Variants in MAGEA10 observed in about 807,000 individuals in gnomAD.
The protein encoded by MAGEA10 is MAGE family member A10.
A neutral mutation model predicts 8.6 loss-of-function variants in MAGEA10; 7 were observed. The ratio of observed to expected loss-of-function variants is 0.82; its 90% CI spans 0.46 to 1.53. MAGEA10 has a LOEUF of 1.53. MAGEA10 is among the 40% of genes most tolerant of loss of function. MAGEA10 has a pLI of 0.01. For synonymous variants in MAGEA10, 125 were observed against 107.4 expected (o/e 1.16, Z -1.02); for missense variants, 293 against 274.0 (o/e 1.07, Z -0.49).
intron 1 of MAGEA10, among the ~76,000 whole-genome samples, chrX:152,137,454 G>GGGGA (rs1936703858): frequency 1.7e-5 from 1 of 57,529 alleles, no homozygotes; most frequent in Non-Finnish European, 3.3e-5. Context: ...AGGGGAGGGG[G>GGGGA]ACAAGACGGG....
chrX:152,134,366 C>T lies in MAGEA10; in HGVS notation c.*145G>A. 4.2e-6 allele frequency: 2 copies of T among 471,810 alleles called. No individual in the cohort carries two copies. The highest frequency in any genetic ancestry group is 3.5e-6 in the Non-Finnish European group (1 of 283,086). The allele number at this position is 471,810 out of a possible 1,213,427, so 38.9% of individuals were successfully genotyped here. Reference sequence around the variant, plus strand: ...AATAGAACACTAGAACTTATTCCTCCTATTTAATTGTAATGTAACTACTGC... The same window carrying T: ...AATAGAACACTAGAACTTATTCCTCTTATTTAATTGTAATGTAACTACTGC... On this transcript the variant is annotated 3_prime_UTR_variant, in exon 4 of 4. Transcript: ENST00000370323.
chrX:152,137,543 G>A (rs1936706333), intron 1 of MAGEA10, among the ~76,000 whole-genome samples: 2 of 108,259 alleles, frequency 1.8e-5, no homozygotes, highest in South Asian at 8.3e-4. Context: ...CTGCTGAATC[G>A]TGTATGGGTC....
Position 152,136,886 on chromosome X carries a change from A to G in MAGEA10, c.-155T>C, listed in dbSNP as rs1936686449. On this transcript the variant is annotated 5_prime_UTR_variant, in exon 2 of 4. Transcript: ENST00000370323. ...GGTTCCTTACCTGGACTCTTGTCAG[A>G]TCCTGCGACCCACTGTGTCTGTAGA... 9.0e-6 allele frequency: 1 copy of G among 111,374 alleles called. No homozygotes were observed. The highest frequency in any genetic ancestry group is 9.4e-5 in the Admixed American group (1 of 10,603). The allele number at this position is 111,374 out of a possible 1,213,427, so 9.2% of individuals were successfully genotyped here. A position where few individuals can be genotyped will look rare whatever the true frequency, so the allele number is the denominator to read the frequency against.
rs1259156651 is a variant in MAGEA10, at chrX:152,135,521, C to T, written c.100G>A (p.Val34Met). 1.7e-6 allele frequency: 2 copies of T among 1,181,585 alleles called. No homozygotes were observed. The highest frequency in any genetic ancestry group is 3.0e-5 in the East Asian group (1 of 33,530). ...GTGGATGATGAAGCATCCTCCTCCA[C>T]AGCCAGGGGAGCCTGTGCACCCTCG... ...GLEGAQAPLAVEEDASSSTST... is the reference protein window; with the variant it reads ...GLEGAQAPLAMEEDASSSTST... The change falls in exon 4 of 4, where the codon GTG (valine) becomes ATG (methionine). Residue 34 changes from valine to methionine, a missense_variant. By Grantham distance (21) the Val-to-Met change is conservative (BLOSUM62 1). Coordinates refer to ENST00000370323, the MANE Select transcript of MAGEA10 (RefSeq NM_021048.5).
At chrX:152,136,546 C>A (rs1180691549) in intron 2 of MAGEA10, among the ~76,000 whole-genome samples, 1 of 110,905 alleles carries the variant, frequency 9.0e-6, no homozygotes, top group Non-Finnish European at 1.9e-5. Flanking sequence ...AGTCCATCTA[C>A]CCCCAGTTCC....
Position 152,134,853 on chromosome X carries a change from A to G in MAGEA10, c.768T>C (p.Tyr256=), listed in dbSNP as rs767018212. ...IWEALNMMGL[Y]DGMEHLIYGE... ...CATAAATGAGGTGCTCCATCCCATCATACAGCCCCATCATATTCAGTGCTT... is the reference window on the plus strand; with the variant it reads ...CATAAATGAGGTGCTCCATCCCATCGTACAGCCCCATCATATTCAGTGCTT... Residue 256 remains tyrosine, a synonymous_variant, in exon 4 of 4, where the codon TAT becomes TAC. Coordinates refer to ENST00000370323, the MANE Select transcript of MAGEA10 (RefSeq NM_021048.5). The G allele has an allele frequency of 1.7e-6, 2 of 1,211,351 alleles. No homozygotes were observed. The highest frequency in any genetic ancestry group is 1.1e-6 in the Non-Finnish European group (1 of 895,370).
intron 1 of MAGEA10, among the ~76,000 whole-genome samples, chrX:152,138,231 G>T (rs921403488): frequency 9.1e-6 from 1 of 109,413 alleles, no homozygotes; most frequent in East Asian, 3.0e-4. Flanking sequence ...CATTGATGCT[G>T]GCAGAACCTA....
Position 152,134,997 on chromosome X carries a change from G to A in MAGEA10, c.624C>T (p.Gly208=), listed in dbSNP as rs1936635951. The change falls in exon 4 of 4, where the codon GGC becomes GGT. Residue 208 remains glycine (G), a synonymous_variant. Coordinates refer to ENST00000370323, the MANE Select transcript of MAGEA10 (RefSeq NM_021048.5). ...GHSFVLVTSL[G]LTYDGMLSDV... ...CACTCAGCATCCCATCATAGGTGAG[G>A]CCCAGGGAGGTGACAAGGACAAAGG... The A allele has an allele frequency of 8.3e-7, 1 of 1,209,677 alleles. No homozygotes were observed. The highest frequency in any genetic ancestry group is 2.2e-5 in the Admixed American group (1 of 45,786).
At position 152,134,112 on chromosome X, in the gene MAGEA10, T is replaced by TA. The variant is rs1021793135; in HGVS notation, c.*398dup. ...TCCATTCTCATTTGTTTTCATAAAT[T>TA]AAAAAAAAACAAAAACATAAACAAA... is the stretch of plus-strand genomic sequence containing the variant. On this transcript the variant is annotated 3_prime_UTR_variant, in exon 4 of 4. Coordinates refer to ENST00000370323, the MANE Select transcript of MAGEA10 (RefSeq NM_021048.5). 5.4e-4 allele frequency: 68 copies of TA among 124,827 alleles called. No individual in the cohort carries two copies. The highest frequency in any genetic ancestry group is 1.6e-3 in the East Asian group (7 of 4,273). 10.3% of individuals were successfully genotyped at this position (124,827 alleles called of 1,213,427 possible).
In MAGEA10 at chrX:152,135,309, T is replaced by C; in HGVS notation, c.312A>G (p.Gln104=). 2 of 1,210,925 alleles carry C rather than the reference T, an allele frequency of 1.7e-6. No homozygotes were observed. The highest frequency in any genetic ancestry group is 3.5e-5 in the South Asian group (2 of 56,885). ...PSVVASLPLD[Q]SDEGSSSQKE... is the part of the protein sequence containing the mutation. ...TTTGGCTGCTGGAGCCCTCATCAGA[T>C]TGATCTAATGGAAGGGAAGCAACGA... Residue 104 remains glutamine, a synonymous_variant, in exon 4 of 4, where the codon CAA becomes CAG. Coordinates refer to ENST00000370323, the MANE Select transcript of MAGEA10 (RefSeq NM_021048.5).
In MAGEA10 at chrX:152,135,120, A is replaced by AT; in HGVS notation, c.500dup (p.Asn167LysfsTer3). Reference sequence around the variant, plus strand: ...ACAACAAAGGGAAGTGGTCTTCATAATTTCTTATGACACTCTCCAGTATTT... The same window carrying AT: ...ACAACAAAGGGAAGTGGTCTTCATAATTTTCTTATGACACTCTCCAGTATTT... On this transcript the variant is annotated frameshift_variant, in exon 4 of 4. Coordinates refer to ENST00000370323, the MANE Select transcript of MAGEA10 (RefSeq NM_021048.5). LOFTEE classifies it high-confidence loss of function. 4.1e-6 allele frequency: 5 copies of AT among 1,211,247 alleles called. No individual in the cohort carries two copies. Among genetic ancestry groups the AT allele is most frequent in the Non-Finnish European group, 5.6e-6 (5 of 895,237 alleles).
At position 152,135,350 on chromosome X, in the gene MAGEA10, A is replaced by C; in HGVS notation, c.271T>G (p.Cys91Gly). 1 of 1,209,606 alleles carries C rather than the reference A, an allele frequency of 8.3e-7. No individual in the cohort carries two copies. The highest frequency in any genetic ancestry group is 1.1e-6 in the Non-Finnish European group (1 of 894,622). ...GAAGCAACGACCGAGGGGGAGGAGC[A>C]GGCTATCTGAGCACTCTGGGGAGGA... is the stretch of plus-strand genomic sequence containing the variant. The part of the protein sequence containing the change: ...PNPPQSAQIA[C>G]SSPSVVASLP... Residue 91 changes from cysteine (C) to glycine (G), a missense_variant, in exon 4 of 4, where the codon TGC becomes GGC. Cys to Gly is a radical substitution (Grantham distance 159). Coordinates refer to ENST00000370323, the MANE Select transcript of MAGEA10 (RefSeq NM_021048.5).
intron 2 of MAGEA10, 102 bp downstream of exon 2, chrX:152,136,769 C>T (rs1936683644): frequency 1.8e-5 from 2 of 111,737 alleles, no homozygotes; most frequent in South Asian, 3.8e-4. Flanking sequence ...ACAGCCCTGA[C>T]TGGGTTCTCC....
At position 152,135,438 on chromosome X, in the gene MAGEA10, GGAGGAGGAGGAA is replaced by G; in HGVS notation, c.171_182del (p.Ser59_Ser62del). 2 of 1,193,797 alleles carry G rather than the reference GGAGGAGGAGGAA, an allele frequency of 1.7e-6. No individual in the cohort carries two copies. Among genetic ancestry groups the G allele is most frequent in the Non-Finnish European group, 2.3e-6 (2 of 886,873 alleles). ...TGCTTGGTATTAGAGGATAGCAGGA[GGAGGAGGAGGAA>G]GAGGAGGAGGAGGGAAAAGAGGATG... On this transcript the variant is annotated inframe_deletion, in exon 4 of 4. Coordinates refer to ENST00000370323, the MANE Select transcript of MAGEA10 (RefSeq NM_021048.5).
At position 152,135,369 on chromosome X, in the gene MAGEA10, G is replaced by A. The variant is rs777222995; in HGVS notation, c.252C>T (p.Pro84=). 6 of 1,205,826 alleles carry A rather than the reference G, an allele frequency of 5.0e-6. No individual in the cohort carries two copies. In the Admixed American group the frequency reaches 1.3e-4, roughly 26 times the overall value. ...AGGAGCAGGCTATCTGAGCACTCTG[G>A]GGAGGATTTGGTGTCTCATCATCAG... is the stretch of plus-strand genomic sequence containing the variant. ...VSADDETPNP[P]QSAQIACSSP... The change falls in exon 4 of 4, where the codon CCC becomes CCT. Residue 84 remains proline (P), a synonymous_variant. Coordinates refer to ENST00000370323, the MANE Select transcript of MAGEA10 (RefSeq NM_021048.5).
chrX:152,136,477 G>C (rs1366995507), intron 2 of MAGEA10, among the ~76,000 whole-genome samples: 1 of 110,562 alleles, frequency 9.0e-6, no homozygotes, highest in Non-Finnish European at 1.9e-5. Flanking sequence ...GTTGATCTGA[G>C]GCCACTTCCT....
At chrX:152,137,679 C>T (rs1016352078) in intron 1 of MAGEA10, among the ~76,000 whole-genome samples, 1 of 109,269 alleles carries the variant, frequency 9.2e-6, no homozygotes, top group African/African-American at 3.3e-5. Flanking sequence ...TTCTGAGATG[C>T]GGGGATCTGC....
Position 152,134,616 on chromosome X carries a change from T to G in MAGEA10, c.1005A>C (p.Lys335Asn). The change falls in exon 4 of 4, where the codon AAA (lysine) becomes AAC (asparagine). Residue 335 changes from lysine (K) to asparagine (N), a missense_variant. Lys to Asn is a moderately conservative substitution (Grantham distance 94, BLOSUM62 0). Transcript: ENST00000370323. ...TGTCCTGGGCTCTCTCTTCCTCATC[T>G]TTCAAAGCCTCCTCATACCACAGTG... is the stretch of plus-strand genomic sequence containing the variant. Reference protein sequence around the residue: ...SFPLWYEEALKDEEERAQDRI... With the variant: ...SFPLWYEEALNDEEERAQDRI... 2 of 1,210,425 alleles carry G rather than the reference T, an allele frequency of 1.7e-6. No homozygotes were observed. Among genetic ancestry groups the G allele is most frequent in the Non-Finnish European group, 1.1e-6 (1 of 894,643 alleles).
At position 152,134,418 on chromosome X, in the gene MAGEA10, CTTTTTTT is replaced by C; in HGVS notation, c.*86_*92del. The C allele has an allele frequency of 1.6e-6, 1 of 606,978 alleles. No homozygotes were observed. Among genetic ancestry groups the C allele is most frequent in the East Asian group, 3.5e-5 (1 of 28,355 alleles). 50.0% of individuals were successfully genotyped at this position (606,978 alleles called of 1,213,427 possible). A position where few individuals can be genotyped will look rare whatever the true frequency, so the allele number is the denominator to read the frequency against. ...CTACTCTCTACTTCCATGATACCAA[CTTTTTTT>C]TTTTTTTTTTTTAGATTCCACATAT... is the stretch of plus-strand genomic sequence containing the variant. On this transcript the variant is annotated 3_prime_UTR_variant, in exon 4 of 4. Coordinates refer to ENST00000370323, the MANE Select transcript of MAGEA10 (RefSeq NM_021048.5).
Sources: gnomAD v4.1 joint callset for allele counts (sites outside exome capture counted in the v4.1 genomes callset) on GRCh38, gnomAD v4.1.1 for gene constraint, MANE v1.5 for transcripts, NCBI Gene and HGNC (gene_info 2026-07-23, HGNC 2026-07-21) for gene names.